The following ITGA6 variants were observed in gnomAD, a reference collection of about 807,000 sequenced individuals.
ITGA6 encodes the protein integrin subunit alpha 6, also known as integrin alpha-6.
Under a neutral mutation model 133.6 loss-of-function variants are expected in ITGA6, and 63 were observed. The observed-to-expected ratio is 0.47, with a 90% CI of 0.38 to 0.58. The LOEUF (loss-of-function observed/expected upper bound fraction) is 0.58, where lower values mean the gene tolerates loss of function less well. Ranked by LOEUF, ITGA6 falls within the 20% of genes least tolerant of loss-of-function variation. The pLI, the probability that ITGA6 is intolerant of heterozygous loss-of-function variation, is 0.00. For missense variants in ITGA6, 1,068 were observed against 1,309.4 expected (o/e 0.82, Z 2.85); for synonymous variants, 434 against 482.0 (o/e 0.90, Z 1.30).
chr2:172,459,134 T>C (rs1685326886), intron 1 of ITGA6, among the ~76,000 whole-genome samples: 1 of 152,196 alleles, frequency 6.6e-6, no homozygotes, highest in Admixed American at 6.5e-5. Context: ...AGGAAATTCA[T>C]GTCCTAAGTC....
chr2:172,436,843 A>C (rs571822529), intron 1 of ITGA6, among the ~76,000 whole-genome samples: 1 of 152,258 alleles, frequency 6.6e-6, no homozygotes, highest in Non-Finnish European at 1.5e-5. Context: ...TCGGGGAGAC[A>C]AACCATAAAC....
chr2:172,476,696 A>C (rs1263655220), intron 9 of ITGA6, among the ~76,000 whole-genome samples, 183 bp downstream of exon 9: 2 of 152,210 alleles, frequency 1.3e-5, no homozygotes, highest in Admixed American at 1.3e-4. Flanking sequence ...AAAATCTTTT[A>C]AAGTATCTGA....
At chr2:172,478,192 A>G (rs6705782) in intron 9 of ITGA6, among the ~76,000 whole-genome samples, 3,075 of 152,326 alleles carry the variant, frequency 0.02, 113 homozygotes, top group African/African-American at 0.069. Context: ...AAATAAAAAT[A>G]GAATGGTAAA....
Position 172,489,748 on chromosome 2 carries a change from T to C in ITGA6, c.2679+90T>C, listed in dbSNP as rs1686843420. On this transcript the variant is annotated intron_variant, in intron 20 of 25. Transcript: ENST00000684293. ...AAAATCATTACTGTTCTTAGGAAAG[T>C]GGCATATTCTGGCAGGTTGACTTTC... 4.4e-6 allele frequency: 5 copies of C among 1,125,028 alleles called. No individual in the cohort carries two copies. The South Asian group carries it at 6.8e-5, about 15-fold the overall frequency. 69.7% of individuals were successfully genotyped at this position (1,125,028 alleles called of 1,614,324 possible). A position where few individuals can be genotyped will look rare whatever the true frequency, so the allele number is the denominator to read the frequency against.
At position 172,487,404 on chromosome 2, in the gene ITGA6, T is replaced by C. The variant is rs1345209978; in HGVS notation, c.2111T>C (p.Phe704Ser). The C allele has an allele frequency of 6.2e-7, 1 of 1,614,088 alleles. No individual in the cohort carries two copies. Among genetic ancestry groups the C allele is most frequent in the Non-Finnish European group, 8.5e-7 (1 of 1,180,018 alleles). The change falls in exon 15 of 26, where the codon TTT becomes TCT. Residue 704 changes from phenylalanine (F) to serine (S), a missense_variant. By Grantham distance (155) the Phe-to-Ser change is radical. Around this residue, in one of 3 missense-constraint regions of ITGA6, gnomAD observed 609 missense variants for 707.2 expected, o/e 0.86. Transcript: ENST00000684293. Reference protein sequence around the residue: ...DAHEAKLIATFPDTLTYSAYR... With the variant: ...DAHEAKLIATSPDTLTYSAYR... Reference sequence around the variant, plus strand: ...CATGAGGCTAAACTGATTGCAACGTTTCCAGACACTTTAACCTATTCTGCA... The same window carrying C: ...CATGAGGCTAAACTGATTGCAACGTCTCCAGACACTTTAACCTATTCTGCA...
At chr2:172,440,352 T>A (rs965133947) in intron 1 of ITGA6, among the ~76,000 whole-genome samples, 2 of 152,208 alleles carry the variant, frequency 1.3e-5, no homozygotes, top group Non-Finnish European at 2.9e-5. Flanking sequence ...TAAACATTTC[T>A]TTAGAATGAT....
Position 172,498,091 on chromosome 2 carries a change from A to C in ITGA6, c.3105A>C (p.Ile1035=). The part of the protein sequence containing the change: ...GILMLALLVF[I]LWKCGFFKRN... ...TGATGCTTGCTTTATTAGTGTTTAT[A>C]CTATGGAAGGTAAGTCATATCTGGC... The change falls in exon 24 of 26, where the codon ATA becomes ATC. Residue 1035 remains isoleucine (I), a synonymous_variant. Coordinates refer to ENST00000684293, the MANE Select transcript of ITGA6 (RefSeq NM_000210.4). 1 of 1,613,610 alleles carries C rather than the reference A, an allele frequency of 6.2e-7. No individual in the cohort carries two copies. Among genetic ancestry groups the C allele is most frequent in the Non-Finnish European group, 8.5e-7 (1 of 1,179,628 alleles).
intron 1 of ITGA6, among the ~76,000 whole-genome samples, chr2:172,463,261 G>A (rs1461375035): frequency 2.0e-5 from 3 of 152,158 alleles, no homozygotes; most frequent in Admixed American, 2.0e-4. Context: ...TAGCCACCTT[G>A]GGTGTGGGTG....
intron 19 of ITGA6, among the ~76,000 whole-genome samples, chr2:172,489,240 A>T (rs1024273216): frequency 5.9e-5 from 9 of 152,222 alleles, no homozygotes; most frequent in Admixed American, 5.2e-4. Flanking sequence ...TCTGTTGCAT[A>T]CAGCAGTTGT....
At position 172,474,976 on chromosome 2, in the gene ITGA6, G is replaced by A; in HGVS notation, c.1034G>A (p.Gly345Glu). Reference sequence around the variant, plus strand: ...GCCCCACAGTATTTTGATAGAGATGGAGAAGTTGGAGGTGCAGTGTATGTC... The same window carrying A: ...GCCCCACAGTATTTTGATAGAGATGAAGAAGTTGGAGGTGCAGTGTATGTC... Reference protein sequence around the residue: ...IGAPQYFDRDGEVGGAVYVYM... With the variant: ...IGAPQYFDRDEEVGGAVYVYM... The change falls in exon 7 of 26, where the codon GGA (glycine) becomes GAA (glutamate). Residue 345 changes from glycine (G) to glutamate (E), a missense_variant. Coordinates refer to ENST00000684293, the MANE Select transcript of ITGA6 (RefSeq NM_000210.4). The A allele has an allele frequency of 1.3e-6, 2 of 1,586,720 alleles. No individual in the cohort carries two copies. Among genetic ancestry groups the A allele is most frequent in the East Asian group, 4.5e-5 (2 of 44,764 alleles).
At chr2:172,498,903 A>G (rs182948411) in intron 24 of ITGA6, among the ~76,000 whole-genome samples, 12 of 152,312 alleles carry the variant, frequency 7.9e-5, no homozygotes, top group Middle Eastern at 3.4e-3. Flanking sequence ...AAGAGAGGCT[A>G]CTTCGAAGTC....
At position 172,505,568 on chromosome 2, in the gene ITGA6, A is replaced by G. The variant is rs1327041342; in HGVS notation, c.*1500A>G. 1 of 152,620 alleles carries G rather than the reference A, an allele frequency of 6.6e-6. No homozygotes were observed. Among genetic ancestry groups the G allele is most frequent in the Non-Finnish European group, 1.5e-5 (1 of 68,040 alleles). 9.5% of individuals were successfully genotyped at this position (152,620 alleles called of 1,614,324 possible). A position where few individuals can be genotyped will look rare whatever the true frequency, so the allele number is the denominator to read the frequency against. ...TATACATTCAACAGAGACTGAATAGATATGAAAGCTGATTTTTTTTAATTA... is the reference window on the plus strand; with the variant it reads ...TATACATTCAACAGAGACTGAATAGGTATGAAAGCTGATTTTTTTTAATTA... On this transcript the variant is annotated 3_prime_UTR_variant, in exon 26 of 26. Coordinates refer to ENST00000684293, the MANE Select transcript of ITGA6 (RefSeq NM_000210.4).
chr2:172,465,624 G>C lies in ITGA6; in HGVS notation c.268G>C (p.Ala90Pro). Residue 90 changes from alanine (A) to proline (P), a missense_variant, in exon 2 of 26, where the codon GCC becomes CCC. By Grantham distance (27) the Ala-to-Pro change is conservative. This residue lies in a region of ITGA6 where 142 missense variants were observed against 145.3 expected (regional missense o/e 0.98). Transcript: ENST00000684293. ...AGGGCTGTACAGCTGCGACATCACC[G>C]CCCGGGGGCCATGCACGCGGATCGA... ...TGGLYSCDIT[A>P]RGPCTRIEFD... The C allele has an allele frequency of 1.9e-6, 3 of 1,614,212 alleles. No individual in the cohort carries two copies. The highest frequency in any genetic ancestry group is 2.5e-6 in the Non-Finnish European group (3 of 1,180,028).
chr2:172,499,995 TATAC>T (rs1687284203), intron 24 of ITGA6, among the ~76,000 whole-genome samples: 2 of 152,210 alleles, frequency 1.3e-5, no homozygotes, highest in Non-Finnish European at 2.9e-5. Flanking sequence ...AAATACGACT[TATAC>T]AACCCCACAT....
rs557423553 is a variant in ITGA6, at chr2:172,488,241, A to C, written c.2505+13A>C. The C allele has an allele frequency of 5.1e-6, 8 of 1,572,572 alleles. No individual in the cohort carries two copies. The highest frequency in any genetic ancestry group is 5.0e-5 in the Admixed American group (3 of 59,970). On this transcript the variant is annotated intron_variant, in intron 19 of 25. Transcript: ENST00000684293. ...GTATGAATTCAGGGTAAGTTGGAGC[A>C]GTTGGTCTTTTCATTATACCAAAAG...
intron 1 of ITGA6, among the ~76,000 whole-genome samples, chr2:172,462,830 C>T (rs1685488368): frequency 6.6e-6 from 1 of 152,204 alleles, no homozygotes; most frequent in South Asian, 2.1e-4. Context: ...GTCTCTGACC[C>T]TTCGTCCTTT....
intron 3 of ITGA6, 61 bp from the exon 4 acceptor site, chr2:172,469,064 T>C: frequency 6.3e-7 from 1 of 1,576,006 alleles, no homozygotes; most frequent in South Asian, 1.1e-5. Context: ...TATTCATATG[T>C]AATTTTTTAA....
chr2:172,450,876 T>G (rs1462824053), intron 1 of ITGA6, among the ~76,000 whole-genome samples: 2 of 146,102 alleles, frequency 1.4e-5, no homozygotes, highest in Non-Finnish European at 3.0e-5. Flanking sequence ...TACAAATATA[T>G]TTATATATTT....
intron 1 of ITGA6, among the ~76,000 whole-genome samples, chr2:172,430,239 C>T (rs919206157): frequency 6.6e-6 from 1 of 152,216 alleles, no homozygotes; most frequent in Non-Finnish European, 1.5e-5. Flanking sequence ...TGGGTACTTG[C>T]TGACTAAATG....
Sources: allele counts gnomAD v4.1 joint callset (sites outside exome capture counted in the v4.1 genomes callset), GRCh38; gene constraint gnomAD v4.1.1; regional missense constraint gnomAD v4.1.1; transcripts MANE v1.5; gene names NCBI Gene and HGNC (gene_info 2026-07-23, HGNC 2026-07-21).